RIT2: variants seen among roughly 807,000 people sequenced by gnomAD.
The protein encoded by RIT2 is Ras like without CAAX 2, also known as GTP-binding protein Rit2.
A neutral mutation model predicts 23.7 loss-of-function variants in RIT2; 24 were observed. The ratio of observed to expected loss-of-function variants is 1.01; its 90% CI spans 0.73 to 1.43. The LOEUF is 1.43. RIT2 is among the 40% of genes most tolerant of loss of function. The pLI is 0.00. For synonymous variants in RIT2, 107 were observed against 91.1 expected (o/e 1.17, Z -0.99); for missense variants, 236 against 266.9 (o/e 0.88, Z 0.81).
In RIT2 at chr18:43,097,432, G is replaced by C. The variant is rs1913580375; in HGVS notation, c.103+17985C>G. ...AGACAGCGAAAAGTAGAAATACTGAGAGGGAGAATAAATTACTGTGGGTTT... is the reference window on the plus strand; with the variant it reads ...AGACAGCGAAAAGTAGAAATACTGACAGGGAGAATAAATTACTGTGGGTTT... On this transcript the variant is annotated intron_variant, in intron 1 of 4. Transcript: ENST00000326695. Among the ~76,000 whole-genome samples, 3 of 151,930 alleles carry C rather than the reference G, an allele frequency of 2.0e-5. No homozygotes were observed. In the South Asian group the frequency reaches 6.2e-4, roughly 31 times the overall value.
At chr18:42,840,759 C>G (rs1021408609) in intron 4 of RIT2, among the ~76,000 whole-genome samples, 1 of 152,192 alleles carries the variant, frequency 6.6e-6, no homozygotes, top group African/African-American at 2.4e-5. Context: ...CCTTGGCCTC[C>G]CAAAGTGCTG....
At chr18:43,096,158 T>C (rs1913547507) in intron 1 of RIT2, among the ~76,000 whole-genome samples, 1 of 151,898 alleles carries the variant, frequency 6.6e-6, no homozygotes. Context: ...AAACAAGTAT[T>C]TCCTGAGAGT....
intron 4 of RIT2, among the ~76,000 whole-genome samples, chr18:42,751,363 T>G (rs186708852): frequency 6.6e-6 from 1 of 151,910 alleles, no homozygotes; most frequent in Non-Finnish European, 1.5e-5. Context: ...TATAGATATA[T>G]ATATGCATAT....
rs867290572 is a variant in RIT2 at position 43,042,749 on chromosome 18, G to A, written c.104-8882C>T. Among the ~76,000 whole-genome samples, 19 of 152,282 alleles carry A rather than the reference G, an allele frequency of 1.2e-4. 1 individual carries two copies. Among genetic ancestry groups the A allele is most frequent in the Middle Eastern group, 3.4e-3 (1 of 294 alleles). On this transcript the variant is annotated intron_variant, in intron 1 of 4. Coordinates refer to ENST00000326695, the MANE Select transcript of RIT2 (RefSeq NM_002930.4). Reference sequence around the variant, plus strand: ...TTGCCTTCTAAAGGTTTACATTTGAGAAGAAGATGGGGAGTTGTGGAGGAG... The same window carrying A: ...TTGCCTTCTAAAGGTTTACATTTGAAAAGAAGATGGGGAGTTGTGGAGGAG...
At chr18:42,917,844 G>A (rs547672413) in intron 4 of RIT2, among the ~76,000 whole-genome samples, 11 of 152,060 alleles carry the variant, frequency 7.2e-5, no homozygotes, top group South Asian at 4.2e-4. Context: ...CCCACACTCC[G>A]GAGTTGTGCT....
At chr18:42,940,008 T>C (rs1909556271) in intron 3 of RIT2, among the ~76,000 whole-genome samples, 1 of 151,864 alleles carries the variant, frequency 6.6e-6, no homozygotes, top group South Asian at 2.1e-4. Flanking sequence ...TTAAATCATA[T>C]AGATTAACAC....
chr18:42,856,319 C>T (rs2144043008), intron 4 of RIT2, among the ~76,000 whole-genome samples: 1 of 152,332 alleles, frequency 6.6e-6, no homozygotes, highest in East Asian at 1.9e-4. Context: ...CAAGAACAAT[C>T]TAGGCAGACA....
intron 1 of RIT2, among the ~76,000 whole-genome samples, chr18:43,056,937 T>C (rs76301664): frequency 0.016 from 2,412 of 151,830 alleles, 69 homozygotes; most frequent in African/African-American, 0.054. Flanking sequence ...TAAACTTTGA[T>C]TTAATTATAA....
intron 4 of RIT2, among the ~76,000 whole-genome samples, chr18:42,754,152 C>T (rs981903204): frequency 3.3e-5 from 5 of 152,174 alleles, no homozygotes; most frequent in African/African-American, 1.2e-4. Flanking sequence ...ATGTCAGTAA[C>T]TTCTTAGCAC....
intron 1 of RIT2, among the ~76,000 whole-genome samples, chr18:43,074,827 C>G (rs974920433): frequency 4.6e-5 from 7 of 152,212 alleles, no homozygotes; most frequent in Non-Finnish European, 1.0e-4. Context: ...GTTCTCGCTT[C>G]TAAGCAGGAG....
chr18:42,854,364 T>C (rs529847359), intron 4 of RIT2, among the ~76,000 whole-genome samples: 1 of 152,160 alleles, frequency 6.6e-6, no homozygotes, highest in Non-Finnish European at 1.5e-5. Context: ...GATAGTAAGC[T>C]TATAATAAGT....
intron 3 of RIT2, among the ~76,000 whole-genome samples, chr18:42,954,233 C>A (rs1396452410): frequency 6.6e-6 from 1 of 151,848 alleles, no homozygotes; most frequent in Non-Finnish European, 1.5e-5. Context: ...CAAAAATTAG[C>A]CTGGCATAGT....
chr18:42,872,883 TATG>T (rs777599932), intron 4 of RIT2, among the ~76,000 whole-genome samples: 2 of 152,198 alleles, frequency 1.3e-5, no homozygotes, highest in Non-Finnish European at 2.9e-5. Flanking sequence ...TTCATAAACA[TATG>T]ATATCATTTG....
intron 4 of RIT2, among the ~76,000 whole-genome samples, chr18:42,894,376 C>T (rs1326095710): frequency 6.6e-6 from 1 of 152,142 alleles, no homozygotes; most frequent in Non-Finnish European, 1.5e-5. Flanking sequence ...TGAAGAGAAA[C>T]TTATCTAAGA....
intron 1 of RIT2, among the ~76,000 whole-genome samples, chr18:43,091,698 T>G (rs1913426735): frequency 6.6e-6 from 1 of 152,064 alleles, no homozygotes; most frequent in African/African-American, 2.4e-5. Context: ...CAGAAAGATG[T>G]GCTACAAAAG....
chr18:43,038,976 C>T (rs749190698), intron 1 of RIT2, among the ~76,000 whole-genome samples: 3 of 151,914 alleles, frequency 2.0e-5, no homozygotes, highest in Non-Finnish European at 4.4e-5. Flanking sequence ...TATTGTTTCT[C>T]TTTGTTTTCA....
intron 3 of RIT2, among the ~76,000 whole-genome samples, chr18:42,941,640 A>G (rs1909602479): frequency 6.6e-6 from 1 of 152,150 alleles, no homozygotes; most frequent in African/African-American, 2.4e-5. Flanking sequence ...TAATCACATC[A>G]ATTTTCTATG....
chr18:42,765,436 G>A (rs981187020), intron 4 of RIT2, among the ~76,000 whole-genome samples: 3 of 152,144 alleles, frequency 2.0e-5, no homozygotes, highest in Admixed American at 1.3e-4. Context: ...TCTGTTTGTG[G>A]CTTTTGTAAA....
chr18:42,968,962 G>A (rs1352107143), intron 3 of RIT2, among the ~76,000 whole-genome samples: 1 of 152,002 alleles, frequency 6.6e-6, no homozygotes, highest in Non-Finnish European at 1.5e-5. Context: ...GATAATATAT[G>A]AATTTGAAAA....
Sources: allele counts gnomAD v4.1 joint callset (sites outside exome capture counted in the v4.1 genomes callset), GRCh38; gene constraint gnomAD v4.1.1; transcripts MANE v1.5; gene names NCBI Gene and HGNC (gene_info 2026-07-23, HGNC 2026-07-21).